Variants in CDK6 observed in about 807,000 individuals in gnomAD.
The protein encoded by CDK6 is cyclin-dependent kinase 6.
A neutral mutation model predicts 37.1 loss-of-function variants in CDK6; 6 were observed. The ratio of observed to expected loss-of-function variants is 0.16; its 90% CI spans 0.09 to 0.32. The LOEUF (loss-of-function observed/expected upper bound fraction) is 0.32, where lower values mean the gene tolerates loss of function less well. Among genes scored for constraint, CDK6 ranks in the 10% least tolerant of loss-of-function variants. The pLI is 1.00. For missense variants in CDK6, 224 were observed against 418.9 expected, an observed-to-expected ratio of 0.53 and a Z score of 4.06; for synonymous variants, 160 against 161.3, an observed-to-expected ratio of 0.99 and a Z score of 0.06.
chr7:92,805,428 C>G (rs781717840), intron 2 of CDK6, among the ~76,000 whole-genome samples: 4 of 152,188 alleles, frequency 2.6e-5, no homozygotes, highest in Non-Finnish European at 2.9e-5. Context: ...ACTTTTCACT[C>G]TGAAAGCATG....
At chr7:92,800,007 A>G (rs1343399720) in intron 2 of CDK6, among the ~76,000 whole-genome samples, 1 of 152,174 alleles carries the variant, frequency 6.6e-6, no homozygotes. Context: ...CTCTCACTCA[A>G]GCATAAAACC....
intron 7 of CDK6, among the ~76,000 whole-genome samples, chr7:92,617,858 TG>T (rs537939458): frequency 1.2e-3 from 181 of 152,326 alleles, no homozygotes; most frequent in African/African-American, 4.3e-3. Context: ...TAAAAAAATG[TG>T]GATCAGAAAG....
intron 4 of CDK6, among the ~76,000 whole-genome samples, chr7:92,719,495 T>C (rs1427373984): frequency 2.6e-5 from 4 of 152,202 alleles, no homozygotes; most frequent in Non-Finnish European, 5.9e-5. Flanking sequence ...TCAGAACATG[T>C]ATATCTTTTA....
chr7:92,659,686 T>A (rs1360555436), intron 5 of CDK6, among the ~76,000 whole-genome samples: 5 of 151,838 alleles, frequency 3.3e-5, no homozygotes, highest in Non-Finnish European at 5.9e-5. Flanking sequence ...TGGAAGTATA[T>A]CCAGGGGGAT....
At chr7:92,655,309 T>A (rs938410469) in intron 5 of CDK6, among the ~76,000 whole-genome samples, 2 of 152,104 alleles carry the variant, frequency 1.3e-5, no homozygotes, top group African/African-American at 2.4e-5. Context: ...AAATTTTGAT[T>A]GAGGGTTTAC....
At chr7:92,645,152 G>A (rs770445378) in intron 5 of CDK6, among the ~76,000 whole-genome samples, 17 of 152,322 alleles carry the variant, frequency 1.1e-4, no homozygotes, top group Middle Eastern at 6.8e-3. Context: ...GGTTAATTTG[G>A]TTTGGAGTCT....
intron 2 of CDK6, among the ~76,000 whole-genome samples, chr7:92,831,748 C>T (rs1446321040): frequency 6.6e-6 from 1 of 152,134 alleles, no homozygotes. Flanking sequence ...TCTTTGATGC[C>T]TTCTAGCTTG....
chr7:92,642,261 T>G (rs1287215827), intron 5 of CDK6, among the ~76,000 whole-genome samples: 1 of 152,220 alleles, frequency 6.6e-6, no homozygotes, highest in Admixed American at 6.5e-5. Flanking sequence ...TTAAACTCAC[T>G]TTCATGCTCA....
At position 92,608,739 on chromosome 7, in the gene CDK6, T is replaced by C. The variant is rs1795489939; in HGVS notation, c.*6401A>G. The C allele has an allele frequency of 4.3e-6, 1 of 230,580 alleles. No individual in the cohort carries two copies. The highest frequency in any genetic ancestry group is 8.6e-6 in the Non-Finnish European group (1 of 116,420). The allele number at this position is 230,580 out of a possible 1,614,324, so 14.3% of individuals were successfully genotyped here. On this transcript the variant is annotated 3_prime_UTR_variant, in exon 8 of 8. Coordinates refer to ENST00000424848, the MANE Select transcript of CDK6 (RefSeq NM_001145306.2). Reference sequence around the variant, plus strand: ...TTCTTCCTAAGATTTGCAGAACAGATGCCTCTGAGACAGCAGCAGGGCACT... The same window carrying C: ...TTCTTCCTAAGATTTGCAGAACAGACGCCTCTGAGACAGCAGCAGGGCACT...
At chr7:92,787,848 T>C (rs1485886809) in intron 2 of CDK6, among the ~76,000 whole-genome samples, 1 of 152,142 alleles carries the variant, frequency 6.6e-6, no homozygotes, top group Non-Finnish European at 1.5e-5. Flanking sequence ...CAGTACCCTT[T>C]GTAACGTAAC....
intron 3 of CDK6, among the ~76,000 whole-genome samples, 160 bp from the exon 4 acceptor site, chr7:92,725,953 T>C (rs1798502573): frequency 6.6e-6 from 1 of 152,180 alleles, no homozygotes; most frequent in African/African-American, 2.4e-5. Flanking sequence ...TTCCTGCCTT[T>C]CCACTCCCAC....
Position 92,732,931 on chromosome 7 carries a change from T to C in CDK6, c.370-7138A>G, listed in dbSNP as rs115551855. Among the ~76,000 whole-genome samples the C allele has an allele frequency of 2.0e-3, 297 of 152,304 alleles. 1 individual carries two copies. Among genetic ancestry groups the C allele is most frequent in the African/African-American group, 6.9e-3 (285 of 41,564 alleles). On this transcript the variant is annotated intron_variant, in intron 3 of 7. Coordinates refer to ENST00000424848, the MANE Select transcript of CDK6 (RefSeq NM_001145306.2). ...GAAAGAGTCTGGGTCTTTGATGACA[T>C]CAATGAATAGCTGCATCAACTTTAG...
chr7:92,801,211 T>TG (rs1800564943), intron 2 of CDK6, among the ~76,000 whole-genome samples: 1 of 152,124 alleles, frequency 6.6e-6, no homozygotes, highest in South Asian at 2.1e-4. Flanking sequence ...TTGAATCAAT[T>TG]GTAAATTTTA....
chr7:92,779,346 C>A (rs1202575429), intron 2 of CDK6, among the ~76,000 whole-genome samples: 2 of 152,146 alleles, frequency 1.3e-5, no homozygotes, highest in African/African-American at 4.8e-5. Context: ...GAAAAAAGGA[C>A]TCATTTCAAT....
At chr7:92,744,271 G>A (rs912034959) in intron 3 of CDK6, among the ~76,000 whole-genome samples, 6 of 152,134 alleles carry the variant, frequency 3.9e-5, no homozygotes, top group Admixed American at 1.3e-4. Context: ...CAATCATGGC[G>A]GAAGGCAAAG....
intron 3 of CDK6, among the ~76,000 whole-genome samples, chr7:92,735,931 C>CT (rs1176066478): frequency 6.6e-6 from 1 of 152,084 alleles, no homozygotes; most frequent in Non-Finnish European, 1.5e-5. Context: ...AAAAAAGTTT[C>CT]TTTTGGGTAC....
At chr7:92,784,979 C>T (rs1019847011) in intron 2 of CDK6, among the ~76,000 whole-genome samples, 15 of 152,194 alleles carry the variant, frequency 9.9e-5, no homozygotes, top group African/African-American at 3.6e-4. Flanking sequence ...ATTGCATTTA[C>T]TAGTTAATTA....
chr7:92,705,944 A>G (rs1052161420), intron 4 of CDK6, among the ~76,000 whole-genome samples: 1 of 152,270 alleles, frequency 6.6e-6, no homozygotes, highest in Admixed American at 6.5e-5. Context: ...AAAACAAAAC[A>G]AGACAGTGCA....
In CDK6 at chr7:92,606,072, C is replaced by T. The variant is rs78697905; in HGVS notation, c.*9068G>A. On this transcript the variant is annotated 3_prime_UTR_variant, in exon 8 of 8. Transcript: ENST00000424848. The stretch of plus-strand genomic sequence containing the variant: ...ATTATGCACCTTTAAGGAACATGCA[C>T]CCTTATAAGTCTGTACCCTGATATG... 27 of 233,584 alleles carry T rather than the reference C, an allele frequency of 1.2e-4. No homozygotes were observed. In the East Asian group the frequency reaches 1.6e-3, roughly 14 times the overall value. 14.5% of individuals were successfully genotyped at this position (233,584 alleles called of 1,614,324 possible). A position where few individuals can be genotyped will look rare whatever the true frequency, so the allele number is the denominator to read the frequency against.
Sources: gnomAD v4.1 joint callset for allele counts (sites outside exome capture counted in the v4.1 genomes callset) on GRCh38, gnomAD v4.1.1 for gene constraint, MANE v1.5 for transcripts, NCBI Gene and HGNC (gene_info 2026-07-23, HGNC 2026-07-21) for gene names.